Variants in GNG2 observed in about 807,000 individuals in gnomAD.
GNG2 encodes the protein guanine nucleotide-binding protein G(I)/G(S)/G(O) subunit gamma-2.
In GNG2, 5 loss-of-function variants were observed where a neutral mutation model predicts 5.5. That is an observed-to-expected ratio of 0.91 (90% CI 0.48 to 1.92). GNG2 has a LOEUF of 1.92. Among genes scored for constraint, GNG2 ranks in the 30% most tolerant of loss-of-function variants. GNG2 has a pLI of 0.01. For synonymous variants in GNG2, 28 were observed against 32.0 expected (o/e 0.88, Z 0.42); for missense variants, 55 against 88.4 (o/e 0.62, Z 1.52).
At chr14:51,835,299 T>G (rs1881300793) in intron 2 of GNG2, among the ~76,000 whole-genome samples, 1 of 152,256 alleles carries the variant, frequency 6.6e-6, no homozygotes, top group Non-Finnish European at 1.5e-5. Context: ...TCTAGGCTTT[T>G]GACTCTTTTA....
chr14:51,937,607 A>T (rs1429481029), intron 2 of GNG2, among the ~76,000 whole-genome samples: 1 of 139,526 alleles, frequency 7.2e-6, no homozygotes, highest in African/African-American at 2.7e-5. Flanking sequence ...GTATTTCTTT[A>T]CAAAAGAAAT....
At position 51,920,662 on chromosome 14, in the gene GNG2, G is replaced by A. The variant is rs548030177; in HGVS notation, c.-29-29988G>A. 1.7e-3 allele frequency among the ~76,000 whole-genome samples: 260 copies of A among 152,298 alleles called. 1 individual carries two copies. The highest frequency in any genetic ancestry group is 2.8e-3 in the Admixed American group (43 of 15,300). On this transcript the variant is annotated intron_variant, in intron 2 of 3. Transcript: ENST00000556766. ...AAATGGAAAGGTCTAGGTGAGCATC[G>A]GAGATTTTGAGCTCTTAGAATAATG...
intron 3 of GNG2, among the ~76,000 whole-genome samples, chr14:51,965,456 C>T (rs12433696): frequency 0.069 from 10,496 of 152,112 alleles, 921 homozygotes; most frequent in East Asian, 0.38. Context: ...ACTAAATCCA[C>T]GCTCTAATGT....
At chr14:51,872,048 A>T (rs1162374086) in intron 1 of GNG2, among the ~76,000 whole-genome samples, 1 of 152,232 alleles carries the variant, frequency 6.6e-6, no homozygotes, top group Non-Finnish European at 1.5e-5. Flanking sequence ...TGAAGGATAG[A>T]AGTGTTCTCT....
intron 2 of GNG2, among the ~76,000 whole-genome samples, chr14:51,838,070 C>A (rs761002474): frequency 4.6e-5 from 7 of 152,024 alleles, no homozygotes; most frequent in Admixed American, 1.3e-4. Flanking sequence ...AAAAGACTTG[C>A]TAATTTCCAA....
At chr14:51,845,435 A>C (rs762639087) in intron 2 of GNG2, among the ~76,000 whole-genome samples, 64 of 152,352 alleles carry the variant, frequency 4.2e-4, no homozygotes, top group Middle Eastern at 3.4e-3. Context: ...TCAAGGCTGC[A>C]GTGAGCTGAG....
At chr14:51,868,243 C>T (rs1036599496) in intron 1 of GNG2, among the ~76,000 whole-genome samples, 5 of 152,042 alleles carry the variant, frequency 3.3e-5, no homozygotes, top group African/African-American at 9.7e-5. Flanking sequence ...AACTTACATT[C>T]GAGTATTGAG....
chr14:51,923,444 T>C (rs1469542694), intron 2 of GNG2, among the ~76,000 whole-genome samples: 1 of 150,828 alleles, frequency 6.6e-6, no homozygotes, highest in Non-Finnish European at 1.5e-5. Context: ...CATACACAAA[T>C]ATATATATAT....
chr14:51,950,641 C>A lies in GNG2; in HGVS notation c.-29-9C>A, dbSNP rs752094346. 1 of 1,490,276 alleles carries A rather than the reference C, an allele frequency of 6.7e-7. No individual in the cohort carries two copies. Among genetic ancestry groups the A allele is most frequent in the South Asian group, 1.2e-5 (1 of 86,564 alleles). 92.3% of individuals were successfully genotyped at this position (1,490,276 alleles called of 1,614,324 possible). Reference sequence around the variant, plus strand: ...TCTGGTACAATCTTCTTTTTGTTTTCTTTTCTAGTGTTTCTGAAAGATCTA... The same window carrying A: ...TCTGGTACAATCTTCTTTTTGTTTTATTTTCTAGTGTTTCTGAAAGATCTA... On this transcript the variant is annotated splice_polypyrimidine_tract_variant and intron_variant, in intron 2 of 3. Coordinates refer to ENST00000556766, the MANE Select transcript of GNG2 (RefSeq NM_053064.5).
In GNG2 at chr14:51,827,644, C is replaced by T. The variant is rs1004201532; in HGVS notation, c.-76-24C>T. Reference sequence around the variant, plus strand: ...GTGATTAGTGTGTTGGATGTTCATCCACGTATATGTTTACATATCCCAGAA... The same window carrying T: ...GTGATTAGTGTGTTGGATGTTCATCTACGTATATGTTTACATATCCCAGAA... On this transcript the variant is annotated intron_variant, in intron 1 of 3. Transcript: ENST00000553432. 6 of 693,880 alleles carry T rather than the reference C, an allele frequency of 8.6e-6. No individual in the cohort carries two copies. In the African/African-American group the frequency reaches 1.1e-4, roughly 12 times the overall value. The allele number at this position is 693,880 out of a possible 1,614,324, so 43.0% of individuals were successfully genotyped here. A position where few individuals can be genotyped will look rare whatever the true frequency, so the allele number is the denominator to read the frequency against.
At chr14:51,952,906 C>G (rs1889072684) in intron 3 of GNG2, among the ~76,000 whole-genome samples, 1 of 152,152 alleles carries the variant, frequency 6.6e-6, no homozygotes, top group South Asian at 2.1e-4. Context: ...TCATGATTCC[C>G]CATCACCAGT....
intron 2 of GNG2, among the ~76,000 whole-genome samples, chr14:51,828,321 C>G (rs546083910): frequency 1.3e-5 from 2 of 152,122 alleles, no homozygotes; most frequent in Non-Finnish European, 2.9e-5. Flanking sequence ...GCCTGAGCTC[C>G]GGATTGTTTC....
rs560724893 is a variant in GNG2 at position 51,877,604 on chromosome 14, G to A, written c.-70-13G>A. The A allele has an allele frequency of 2.2e-6, 1 of 455,086 alleles. No homozygotes were observed. Among genetic ancestry groups the A allele is most frequent in the Admixed American group, 2.4e-5 (1 of 42,402 alleles). The allele number at this position is 455,086 out of a possible 1,614,324, so 28.2% of individuals were successfully genotyped here. A position where few individuals can be genotyped will look rare whatever the true frequency, so the allele number is the denominator to read the frequency against. ...TTTTAAAAAATTCGTTTTTCTCTCT[G>A]CTTTCTCAACAGCCAGATCTGCCAG... On this transcript the variant is annotated splice_polypyrimidine_tract_variant and intron_variant, in intron 1 of 3. Transcript: ENST00000556766.
intron 3 of GNG2, 38 bp from the exon 4 acceptor site, chr14:51,966,521 C>T: frequency 6.3e-7 from 1 of 1,599,256 alleles, no homozygotes; most frequent in Non-Finnish European, 8.6e-7. Flanking sequence ...CTGACTGTAC[C>T]AGACTCCAGT....
rs970269738 is a variant in GNG2 at position 51,902,254 on chromosome 14, G to T, written c.-30+24597G>T. ...ATCAAAACTAAGAAAAGAGTAAATTGGGAAGATATTGAAAATATAATAGGT... is the reference window on the plus strand; with the variant it reads ...ATCAAAACTAAGAAAAGAGTAAATTTGGAAGATATTGAAAATATAATAGGT... On this transcript the variant is annotated intron_variant, in intron 2 of 3. Transcript: ENST00000556766. Among the ~76,000 whole-genome samples the T allele has an allele frequency of 2.6e-5, 4 of 152,058 alleles. 1 individual carries two copies. The highest frequency in any genetic ancestry group is 5.9e-5 in the Non-Finnish European group (4 of 68,008).
At chr14:51,849,292 G>A (rs923194274) in intron 2 of GNG2, among the ~76,000 whole-genome samples, 12 of 152,288 alleles carry the variant, frequency 7.9e-5, no homozygotes, top group Admixed American at 3.9e-4. Context: ...CAGAGCAAAT[G>A]CTCAAGGAGG....
intron 2 of GNG2, among the ~76,000 whole-genome samples, chr14:51,835,664 CT>C (rs1306205409): frequency 6.6e-6 from 1 of 152,204 alleles, no homozygotes; most frequent in East Asian, 1.9e-4. Flanking sequence ...CACTGCTCCC[CT>C]GACCTACAAC....
intron 2 of GNG2, among the ~76,000 whole-genome samples, chr14:51,911,474 G>T (rs1244693488): frequency 1.3e-5 from 2 of 152,096 alleles, no homozygotes; most frequent in East Asian, 3.9e-4. Context: ...TACTGACTGG[G>T]AAATCTTGGA....
chr14:51,952,136 T>C (rs370282053), intron 3 of GNG2: 9 of 505,728 alleles, frequency 1.8e-5, no homozygotes, highest in East Asian at 6.4e-5. Flanking sequence ...TCATCAGGTA[T>C]GTGCTAGAGA....
Sources: allele counts gnomAD v4.1 joint callset (sites outside exome capture counted in the v4.1 genomes callset), GRCh38; gene constraint gnomAD v4.1.1; transcripts MANE v1.5; gene names NCBI Gene and HGNC (gene_info 2026-07-23, HGNC 2026-07-21).